CHCHD6: variants seen among roughly 807,000 people sequenced by gnomAD.
CHCHD6 encodes the protein MICOS complex subunit MIC25.
Under a neutral mutation model 32.3 loss-of-function variants are expected in CHCHD6, and 28 were observed. The ratio of observed to expected loss-of-function variants is 0.87; its 90% CI spans 0.64 to 1.19. CHCHD6 has a LOEUF of 1.19. CHCHD6 is among the 50% of genes most tolerant of loss of function. CHCHD6 has a pLI of 0.00. For missense variants in CHCHD6, 333 were observed against 307.0 expected, an observed-to-expected ratio of 1.08 and a Z score of -0.63; for synonymous variants, 122 against 117.5, an observed-to-expected ratio of 1.04 and a Z score of -0.25.
chr3:126,956,352 G>C (rs1396267329), intron 6 of CHCHD6, among the ~76,000 whole-genome samples: 1 of 152,188 alleles, frequency 6.6e-6, no homozygotes, highest in African/African-American at 2.4e-5. Flanking sequence ...ACCCACTTAA[G>C]AAAACAAATG....
intron 4 of CHCHD6, among the ~76,000 whole-genome samples, chr3:126,805,649 G>A (rs1049992289): frequency 6.6e-6 from 1 of 152,174 alleles, no homozygotes; most frequent in African/African-American, 2.4e-5. Context: ...TAGATTCAAT[G>A]CCCTCCCCAT....
chr3:126,850,324 C>T (rs2107551162), intron 4 of CHCHD6, among the ~76,000 whole-genome samples: 1 of 152,364 alleles, frequency 6.6e-6, no homozygotes, highest in South Asian at 2.1e-4. Context: ...CTTAACTGCT[C>T]AATTGTGTTG....
intron 6 of CHCHD6, among the ~76,000 whole-genome samples, chr3:126,920,724 A>C (rs990923395): frequency 6.6e-6 from 1 of 151,050 alleles, no homozygotes; most frequent in African/African-American, 2.4e-5. Context: ...TTGCCTCCCT[A>C]TCATCCTGTG....
intron 5 of CHCHD6, among the ~76,000 whole-genome samples, chr3:126,870,184 G>A (rs764735790): frequency 2.6e-5 from 4 of 152,190 alleles, no homozygotes; most frequent in Non-Finnish European, 5.9e-5. Context: ...ATATGAACAT[G>A]CCTACTAGAA....
At chr3:126,816,590 A>G (rs1939914253) in intron 4 of CHCHD6, among the ~76,000 whole-genome samples, 1 of 152,132 alleles carries the variant, frequency 6.6e-6, no homozygotes, top group South Asian at 2.1e-4. Context: ...CACATTAGGG[A>G]CGAGGGACAG....
intron 6 of CHCHD6, among the ~76,000 whole-genome samples, chr3:126,955,471 T>C (rs2078770759): frequency 6.6e-6 from 1 of 152,202 alleles, no homozygotes; most frequent in Non-Finnish European, 1.5e-5. Flanking sequence ...GTGACCTCAA[T>C]GGCTAGGATG....
chr3:126,800,602 C>T (rs377397279), intron 4 of CHCHD6, among the ~76,000 whole-genome samples: 6 of 152,162 alleles, frequency 3.9e-5, no homozygotes, highest in African/African-American at 9.7e-5. Context: ...CGAGATAAAA[C>T]GTCACAGTTT....
At chr3:126,862,661 C>G (rs1444169395) in intron 5 of CHCHD6, among the ~76,000 whole-genome samples, 1 of 130,890 alleles carries the variant, frequency 7.6e-6, no homozygotes, top group Admixed American at 7.4e-5. Context: ...ATCACCACCT[C>G]CCCCTCCTCC....
chr3:126,827,008 G>A (rs532334744), intron 4 of CHCHD6, among the ~76,000 whole-genome samples: 2 of 152,290 alleles, frequency 1.3e-5, no homozygotes, highest in South Asian at 4.1e-4. Flanking sequence ...GGATGTTTGT[G>A]GGGGGCCACA....
At chr3:126,960,120 A>G (rs998130098) in intron 7 of CHCHD6, 76 bp from the exon 8 acceptor site, 4 of 1,536,850 alleles carry the variant, frequency 2.6e-6, no homozygotes, top group Admixed American at 3.9e-5. Flanking sequence ...GGTTGCTGTC[A>G]CAGGGCGATC....
intron 5 of CHCHD6, among the ~76,000 whole-genome samples, chr3:126,900,298 G>T (rs892636562): frequency 3.3e-5 from 5 of 152,170 alleles, no homozygotes; most frequent in Non-Finnish European, 7.3e-5. Flanking sequence ...CCTGTCAAAG[G>T]GGGTGACACC....
chr3:126,782,431 C>T (rs1262320132), intron 4 of CHCHD6, among the ~76,000 whole-genome samples: 3 of 152,202 alleles, frequency 2.0e-5, no homozygotes, highest in Non-Finnish European at 2.9e-5. Context: ...CGATGTCATA[C>T]GCTTTAGAGA....
intron 1 of CHCHD6, 117 bp from the exon 2 acceptor site, chr3:126,726,961 G>A (rs1024592246): frequency 4.3e-6 from 3 of 701,322 alleles, no homozygotes. Flanking sequence ...CTTTGTTGGA[G>A]TTGGTCTTGA....
chr3:126,712,611 C>T (rs1311426800), intron 1 of CHCHD6, among the ~76,000 whole-genome samples: 3 of 152,146 alleles, frequency 2.0e-5, no homozygotes, highest in Non-Finnish European at 2.9e-5. Flanking sequence ...TGGAAGGGGT[C>T]GCTCCTGCTC....
intron 3 of CHCHD6, among the ~76,000 whole-genome samples, chr3:126,732,162 A>T (rs1412366236): frequency 6.6e-6 from 1 of 152,080 alleles, no homozygotes; most frequent in Non-Finnish European, 1.5e-5. Context: ...CATTTTAAAA[A>T]TGGTAAAGTA....
At chr3:126,946,317 G>A (rs1404907782) in intron 6 of CHCHD6, among the ~76,000 whole-genome samples, 1 of 152,192 alleles carries the variant, frequency 6.6e-6, no homozygotes, top group African/African-American at 2.4e-5. Flanking sequence ...CTCCTCTTAG[G>A]GAAAGTGTGC....
intron 6 of CHCHD6, among the ~76,000 whole-genome samples, chr3:126,922,257 G>T (rs1335761371): frequency 6.6e-6 from 1 of 152,208 alleles, no homozygotes; most frequent in Non-Finnish European, 1.5e-5. Flanking sequence ...TTCACAGGAA[G>T]CTCAGCTGGC....
intron 5 of CHCHD6, among the ~76,000 whole-genome samples, chr3:126,862,120 A>G (rs190809604): frequency 0.08 from 2,383 of 29,942 alleles, 544 homozygotes; most frequent in East Asian, 0.42. Context: ...CTCTACCACC[A>G]TCACCACCTC....
chr3:126,902,031 A>T (rs1418163477), intron 5 of CHCHD6, among the ~76,000 whole-genome samples: 1 of 152,282 alleles, frequency 6.6e-6, no homozygotes, highest in Non-Finnish European at 1.5e-5. Context: ...GTCCTAAGGC[A>T]TAAAACTAGT....
Sources: allele counts gnomAD v4.1 joint callset (sites outside exome capture counted in the v4.1 genomes callset), GRCh38; gene constraint gnomAD v4.1.1; transcripts MANE v1.5; gene names NCBI Gene and HGNC (gene_info 2026-07-23, HGNC 2026-07-21).